HSP90AA1: variants seen among roughly 807,000 people sequenced by gnomAD.
HSP90AA1 encodes heat shock protein HSP 90-alpha.
A neutral mutation model predicts 73.3 loss-of-function variants in HSP90AA1; 18 were observed. The ratio of observed to expected loss-of-function variants is 0.25; its 90% confidence interval spans 0.17 to 0.36. HSP90AA1 has a LOEUF of 0.36. Among genes scored for constraint, HSP90AA1 ranks in the 10% least tolerant of loss-of-function variants. HSP90AA1 has a pLI of 1.00. For missense variants in HSP90AA1, 704 were observed against 874.2 expected (o/e 0.81, Z 2.45); for synonymous variants, 477 against 296.9 (o/e 1.61, Z -6.24).
chr14:102,087,245 C>G, upstream of HSP90AA1: 2 of 805,200 alleles, frequency 2.5e-6, no homozygotes, highest in Non-Finnish European at 1.5e-6. Flanking sequence ...TGGCCCGGCC[C>G]GGGCAACCTT....
intron 1 of HSP90AA1, among the ~76,000 whole-genome samples, chr14:102,104,805 T>C (rs10873532): frequency 0.93 from 141,125 of 151,882 alleles, 65,609 homozygotes; most frequent in East Asian, 1. Context: ...TTTTTAGCTC[T>C]CACATATGAG....
intron 1 of HSP90AA1, among the ~76,000 whole-genome samples, chr14:102,110,813 C>A (rs1358357204): frequency 1.3e-5 from 2 of 152,168 alleles, no homozygotes; most frequent in African/African-American, 4.8e-5. Context: ...GATCTCCTGA[C>A]CTCGTGATTC....
intron 1 of HSP90AA1, among the ~76,000 whole-genome samples, chr14:102,130,750 G>T (rs540810564): frequency 2.0e-5 from 3 of 152,052 alleles, no homozygotes; most frequent in South Asian, 2.1e-4. Flanking sequence ...GTTTTTTTGA[G>T]ACAGGGTCTC....
Position 102,081,374 on chromosome 14 carries a change from CTT to C in HSP90AA1, c.*336_*337del. On this transcript the variant is annotated 3_prime_UTR_variant, in exon 11 of 11. Coordinates refer to ENST00000216281, the MANE Select transcript of HSP90AA1 (RefSeq NM_005348.4). ...AAACATCAAGATACAGCTCAGAACA[CTT>C]CAATAACAAGATTTGGTCTACTTAG... 1 of 436,786 alleles carries C rather than the reference CTT, an allele frequency of 2.3e-6. No homozygotes were observed. The highest frequency in any genetic ancestry group is 1.9e-5 in the African/African-American group (1 of 51,380). 27.1% of individuals were successfully genotyped at this position (436,786 alleles called of 1,614,324 possible).
chr14:102,128,238 T>C (rs2049861472), intron 1 of HSP90AA1, among the ~76,000 whole-genome samples: 2 of 152,016 alleles, frequency 1.3e-5, no homozygotes, highest in African/African-American at 4.8e-5. Flanking sequence ...ACACTTGTAA[T>C]GCCAGCACTT....
upstream of HSP90AA1, among the ~76,000 whole-genome samples, chr14:102,088,312 G>A (rs930031967): frequency 1.3e-5 from 2 of 152,196 alleles, no homozygotes; most frequent in Admixed American, 1.3e-4. Flanking sequence ...TGTCTCTGGC[G>A]CCTCCCATGA....
intron 1 of HSP90AA1, among the ~76,000 whole-genome samples, chr14:102,127,007 G>A (rs1215567000): frequency 6.6e-6 from 1 of 150,502 alleles, no homozygotes; most frequent in African/African-American, 2.4e-5. Flanking sequence ...GGCCAATAAT[G>A]CTGATGAGGC....
intron 1 of HSP90AA1, among the ~76,000 whole-genome samples, chr14:102,136,760 G>A (rs1414588541): frequency 6.6e-6 from 1 of 150,708 alleles, no homozygotes; most frequent in African/African-American, 2.4e-5. Context: ...GTGGTGGCAG[G>A]TGCCTTAATC....
Position 102,081,337 on chromosome 14 carries a change from G to GAATACTTTTCT in HSP90AA1, c.*364_*374dup. 1 of 332,856 alleles carries GAATACTTTTCT rather than the reference G, an allele frequency of 3.0e-6. No homozygotes were observed. The highest frequency in any genetic ancestry group is 2.1e-5 in the African/African-American group (1 of 48,180). 20.6% of individuals were successfully genotyped at this position (332,856 alleles called of 1,614,324 possible). A position where few individuals can be genotyped will look rare whatever the true frequency, so the allele number is the denominator to read the frequency against. ...AAAAGTAGATCCTACAAGATGTAACGAATACTTTTCTAAACATCAAGATAC... is the reference window on the plus strand; with the variant it reads ...AAAAGTAGATCCTACAAGATGTAACGAATACTTTTCTAATACTTTTCTAAACATCAAGATAC... On this transcript the variant is annotated 3_prime_UTR_variant, in exon 11 of 11. Transcript: ENST00000216281.
chr14:102,127,830 T>C (rs1595680172), intron 1 of HSP90AA1, among the ~76,000 whole-genome samples: 1 of 152,096 alleles, frequency 6.6e-6, no homozygotes, highest in East Asian at 1.9e-4. Context: ...CTTATTTTTA[T>C]AGAGACAGGG....
chr14:102,096,812 C>G (rs1378044956), intron 2 of HSP90AA1, among the ~76,000 whole-genome samples: 2 of 152,132 alleles, frequency 1.3e-5, no homozygotes, highest in Non-Finnish European at 2.9e-5. Flanking sequence ...TTGGAAATGT[C>G]TTTGAAGTTT....
intron 2 of HSP90AA1, among the ~76,000 whole-genome samples, chr14:102,094,984 C>T (rs1458878886): frequency 6.6e-6 from 1 of 152,082 alleles, no homozygotes; most frequent in African/African-American, 2.4e-5. Flanking sequence ...CCCAGAGGCT[C>T]CCGGGTGGGT....
chr14:102,084,842 T>G lies in HSP90AA1; in HGVS notation c.820A>C (p.Lys274Gln). ...TCCTTAATCTTCTTCTTCTTCTTCTTGTCACCATCCTTCTTTTCTTCTTCC... is the reference window on the plus strand; with the variant it reads ...TCCTTAATCTTCTTCTTCTTCTTCTGGTCACCATCCTTCTTTTCTTCTTCC... ...DEEEEKKDGD[K>Q]KKKKKIKEKY... Residue 274 changes from lysine to glutamine, a missense_variant, in exon 5 of 11, where the codon AAG (lysine) becomes CAG (glutamine). Lys to Gln is a moderately conservative substitution (Grantham distance 53). Coordinates refer to ENST00000216281, the MANE Select transcript of HSP90AA1 (RefSeq NM_005348.4). 1 of 1,590,820 alleles carries G rather than the reference T, an allele frequency of 6.3e-7. No individual in the cohort carries two copies. The highest frequency in any genetic ancestry group is 8.6e-7 in the Non-Finnish European group (1 of 1,158,840).
At chr14:102,102,874 AAAC>A (rs1246563640) in intron 1 of HSP90AA1, among the ~76,000 whole-genome samples, 1 of 152,002 alleles carries the variant, frequency 6.6e-6, no homozygotes, top group African/African-American at 2.4e-5. Context: ...CCCAAAAAAG[AAAC>A]AAAATAAAAA....
rs765118717 is a variant in HSP90AA1 at position 102,083,028 on chromosome 14, A to G, written c.1755+6T>C. Reference sequence around the variant, plus strand: ...TCAATGATCAGGAAATGCTGTATTCACATACCTTTTCAACTTTTTTCTCCA... The same window carrying G: ...TCAATGATCAGGAAATGCTGTATTCGCATACCTTTTCAACTTTTTTCTCCA... On this transcript the variant is annotated splice_donor_region_variant and intron_variant, in intron 9 of 10. Transcript: ENST00000216281. 3 of 1,613,358 alleles carry G rather than the reference A, an allele frequency of 1.9e-6. No individual in the cohort carries two copies. Among genetic ancestry groups the G allele is most frequent in the African/African-American group, 1.3e-5 (1 of 74,938 alleles).
intron 1 of HSP90AA1, among the ~76,000 whole-genome samples, chr14:102,123,098 C>A (rs112717382): frequency 2.4e-4 from 37 of 152,118 alleles, no homozygotes; most frequent in African/African-American, 6.5e-4. Context: ...CTGATCCAGA[C>A]AGAACTGTCA....
chr14:102,082,626 C>G (rs977656313), intron 9 of HSP90AA1, 182 bp from the exon 10 acceptor site: 4 of 625,834 alleles, frequency 6.4e-6, no homozygotes, highest in Admixed American at 5.5e-5. Flanking sequence ...TTTACATGCA[C>G]AATTTTTTTT....
intron 10 of HSP90AA1, 131 bp from the exon 11 acceptor site, chr14:102,081,952 C>T (rs554417700): frequency 7.0e-5 from 54 of 767,550 alleles, no homozygotes; most frequent in South Asian, 4.4e-4. Flanking sequence ...TTTCTTTGCT[C>T]TTGTAAGACC....
chr14:102,085,046 A>C, intron 4 of HSP90AA1, 48 bp from the exon 5 acceptor site: 11 of 1,613,638 alleles, frequency 6.8e-6, no homozygotes, highest in Non-Finnish European at 9.3e-6. Flanking sequence ...TCCAGAACTA[A>C]GCGACAGCGC....
Sources: gnomAD v4.1 joint callset for allele counts (sites outside exome capture counted in the v4.1 genomes callset) on GRCh38, gnomAD v4.1.1 for gene constraint, MANE v1.5 for transcripts, NCBI Gene and HGNC (gene_info 2026-07-23, HGNC 2026-07-21) for gene names.